The following CROCC variants were observed in gnomAD, a reference collection of about 807,000 sequenced individuals.
CROCC encodes the protein ciliary rootlet coiled-coil, rootletin, also known as rootletin.
CROCC carries 180 observed loss-of-function variants against 245.2 expected under a neutral mutation model. The ratio of observed to expected loss-of-function variants is 0.73; its 90% confidence interval spans 0.65 to 0.83. The LOEUF is 0.83. CROCC is among the 40% of genes least tolerant of loss of function. The pLI is 0.00. For synonymous variants in CROCC, 1,205 were observed against 1,241.6 expected (o/e 0.97, Z 0.62); for missense variants, 2,688 against 2,779.4 (o/e 0.97, Z 0.74).
chr1:16,920,986 C>T (rs1160791756), upstream of CROCC, among the ~76,000 whole-genome samples: 6 of 152,250 alleles, frequency 3.9e-5, no homozygotes, highest in African/African-American at 7.2e-5. Context: ...TCAGGTGATC[C>T]ACCCGCTTTG....
intron 3 of CROCC, among the ~76,000 whole-genome samples, chr1:16,926,078 G>T (rs2075528623): frequency 6.6e-6 from 1 of 152,276 alleles, no homozygotes; most frequent in Non-Finnish European, 1.5e-5. Context: ...GCTGGGGCTG[G>T]GACTGCAGCA....
intron 30 of CROCC, among the ~76,000 whole-genome samples, chr1:16,967,401 C>G (rs946596352): frequency 5.9e-5 from 9 of 152,222 alleles, no homozygotes; most frequent in Non-Finnish European, 1.2e-4. Flanking sequence ...ACCCCCGCCC[C>G]CAAGGCCTCT....
rs867836490 is a variant in CROCC, at chr1:16,968,254, C to T, written c.4912C>T (p.Arg1638Trp). 15 of 1,567,588 alleles carry T rather than the reference C, an allele frequency of 9.6e-6. No homozygotes were observed. Among genetic ancestry groups the T allele is most frequent in the African/African-American group, 1.4e-5 (1 of 73,980 alleles). ...TGAGACAAAGCTGGAGGGCGACAAG[C>T]GGCGCCTGAAGGAGGTTCTGGACGC... ...ANETKLEGDK[R>W]RLKEVLDASE... The change falls in exon 31 of 37, where the codon CGG becomes TGG. Residue 1638 changes from arginine to tryptophan, a missense_variant. By Grantham distance (101) the Arg-to-Trp change is moderately radical. Coordinates refer to ENST00000375541, the MANE Select transcript of CROCC (RefSeq NM_014675.5).
chr1:16,938,953 T>TGAGCGCA lies in CROCC; in HGVS notation c.1420_1426dup (p.Thr476ArgfsTer70). 8 of 1,605,292 alleles carry TGAGCGCA rather than the reference T, an allele frequency of 5.0e-6. No individual in the cohort carries two copies. Among genetic ancestry groups the TGAGCGCA allele is most frequent in the Non-Finnish European group, 6.8e-6 (8 of 1,177,762 alleles). On this transcript the variant is annotated frameshift_variant, in exon 12 of 37. Coordinates refer to ENST00000375541, the MANE Select transcript of CROCC (RefSeq NM_014675.5). LOFTEE classifies it high-confidence loss of function. ...AGAGCGGCGTCCAGCTGAGCGGCTC[T>TGAGCGCA]GAGCGCACCGCGGATGCTTCCAACG... is the stretch of plus-strand genomic sequence containing the variant.
chr1:16,931,453 C>G (rs2075676310), intron 8 of CROCC, 56 bp downstream of exon 8: 3 of 1,464,678 alleles, frequency 2.0e-6, no homozygotes, highest in Non-Finnish European at 2.9e-6. Context: ...CTCTTTATGT[C>G]CAACTGAACT....
In CROCC at chr1:16,966,991, G is replaced by T. The variant is rs2076428590; in HGVS notation, c.4860+420G>T. ...GATCACTGGAGCCCGGTAGGTCGAG[G>T]CTGCAATGAGCTGTGATCATGCCAC... On this transcript the variant is annotated intron_variant, in intron 30 of 36. Transcript: ENST00000375541. This position sits in a 1 kb window ranked among gnomAD's most constrained non-coding sequence, Gnocchi z 4.8. Among the ~76,000 whole-genome samples, 2 of 152,044 alleles carry T rather than the reference G, an allele frequency of 1.3e-5. No homozygotes were observed. Among genetic ancestry groups the T allele is most frequent in the South Asian group, 4.2e-4 (2 of 4,806 alleles).
chr1:16,970,808 G>A (rs1228618321), intron 35 of CROCC, 41 bp downstream of exon 35: 4 of 1,517,584 alleles, frequency 2.6e-6, no homozygotes, highest in African/African-American at 2.8e-5. Flanking sequence ...TTCATCCCTA[G>A]TATGAGTGCT....
chr1:16,937,801 G>A (rs9435792), intron 10 of CROCC, 64 bp downstream of exon 10: 442,522 of 1,339,962 alleles, frequency 0.33, 31,652 homozygotes, highest in Middle Eastern at 0.36. Context: ...ATCCATGGAC[G>A]CAGGCTTAGG....
At chr1:16,923,448 C>T (rs1426429947) in intron 2 of CROCC, among the ~76,000 whole-genome samples, 1 of 152,274 alleles carries the variant, frequency 6.6e-6, no homozygotes, top group Non-Finnish European at 1.5e-5. Context: ...ACCCTGACAC[C>T]TGGGGTGTAT....
intron 2 of CROCC, among the ~76,000 whole-genome samples, chr1:16,923,937 C>T (rs575781881): frequency 1.3e-5 from 2 of 152,394 alleles, no homozygotes; most frequent in African/African-American, 4.8e-5. Flanking sequence ...TATCTCGACT[C>T]CCAAAGTGCT....
chr1:16,935,842 A>G (rs1446587711), intron 8 of CROCC, among the ~76,000 whole-genome samples: 1 of 152,276 alleles, frequency 6.6e-6, no homozygotes, highest in African/African-American at 2.4e-5. Flanking sequence ...TACATGAGCA[A>G]TGCTGCAGTG....
intron 25 of CROCC, among the ~76,000 whole-genome samples, chr1:16,957,686 C>T (rs2076269299): frequency 6.6e-6 from 1 of 152,114 alleles, no homozygotes; most frequent in Non-Finnish European, 1.5e-5. Flanking sequence ...GTCAGGTGAT[C>T]CACCCACCTT....
intron 13 of CROCC, among the ~76,000 whole-genome samples, chr1:16,942,169 C>T (rs1290534502): frequency 3.9e-5 from 6 of 152,256 alleles, no homozygotes; most frequent in African/African-American, 1.4e-4. Context: ...CACCACCACG[C>T]CTGCCTAATT....
intron 30 of CROCC, among the ~76,000 whole-genome samples, chr1:16,967,279 A>G (rs1404435123): frequency 6.6e-6 from 1 of 152,058 alleles, no homozygotes; most frequent in Non-Finnish European, 1.5e-5. Context: ...TATGTGTGCC[A>G]GTGTGTATGT....
chr1:16,935,576 T>G lies in CROCC; in HGVS notation c.957-1061T>G, dbSNP rs138913934. 8.5e-5 allele frequency among the ~76,000 whole-genome samples: 13 copies of G among 152,332 alleles called. No individual in the cohort carries two copies. In the South Asian group the frequency reaches 1.2e-3, roughly 15 times the overall value. On this transcript the variant is annotated intron_variant, in intron 8 of 36. Transcript: ENST00000375541. The stretch of plus-strand genomic sequence containing the variant: ...GCTGGGACTACAGGCGCCTGCCACC[T>G]CACCCGGCTAATTTTGTTTTTGTAT...
At chr1:16,926,650 G>A (rs2075540814) in intron 3 of CROCC, among the ~76,000 whole-genome samples, 1 of 152,270 alleles carries the variant, frequency 6.6e-6, no homozygotes, top group Non-Finnish European at 1.5e-5. Context: ...GAGGACCTCA[G>A]GGCCCCCATG....
Position 16,970,536 on chromosome 1 carries a change from A to C in CROCC, c.5652+83A>C, listed in dbSNP as rs1447287216. The stretch of plus-strand genomic sequence containing the variant: ...CCACTGCACATCCCCAGGGTCTGCT[A>C]CCTCTGGTGGGGTTAGGTTATTCCA... On this transcript the variant is annotated intron_variant, in intron 34 of 36. Transcript: ENST00000375541. 10 of 1,474,546 alleles carry C rather than the reference A, an allele frequency of 6.8e-6. No individual in the cohort carries two copies. The Admixed American group carries it at 2.4e-4, about 36-fold the overall frequency. 91.3% of individuals were successfully genotyped at this position (1,474,546 alleles called of 1,614,324 possible). A position where few individuals can be genotyped will look rare whatever the true frequency, so the allele number is the denominator to read the frequency against.
At chr1:16,922,489 C>T (rs2075430030) in intron 1 of CROCC, among the ~76,000 whole-genome samples, 174 bp from the exon 2 acceptor site, 1 of 152,282 alleles carries the variant, frequency 6.6e-6, no homozygotes, top group Non-Finnish European at 1.5e-5. Flanking sequence ...GCAGTGAGCA[C>T]ACAAGAGGCT....
At position 16,939,801 on chromosome 1, in the gene CROCC, G is replaced by A. The variant is rs1224651249; in HGVS notation, c.1609-93G>A. ...GTCCAGGCCCTGGACCCCGCCTAGC[G>A]TAGGCTAGTGTGTATCCCTGGAACC... On this transcript the variant is annotated intron_variant, in intron 12 of 36. Transcript: ENST00000375541. 5.7e-5 allele frequency: 83 copies of A among 1,454,746 alleles called. No homozygotes were observed. In the East Asian group the frequency reaches 1.3e-3, roughly 23 times the overall value. 90.1% of individuals were successfully genotyped at this position (1,454,746 alleles called of 1,614,324 possible).
Sources: allele counts gnomAD v4.1 joint callset (sites outside exome capture counted in the v4.1 genomes callset), GRCh38; gene constraint gnomAD v4.1.1; non-coding constraint Gnocchi (gnomAD v3.1); transcripts MANE v1.5; gene names NCBI Gene and HGNC (gene_info 2026-07-23, HGNC 2026-07-21).